Variants in ADNP2 observed in about 807,000 individuals in gnomAD.
The protein encoded by ADNP2 is ADNP homeobox 2.
ADNP2 carries 8 observed loss-of-function variants against 16.4 expected under a neutral mutation model. That is an observed-to-expected ratio of 0.49 (90% CI 0.29 to 0.88). ADNP2 has a LOEUF of 0.88. ADNP2 is among the 40% of genes least tolerant of loss of function. The pLI is 0.09. For synonymous variants in ADNP2, 637 were observed against 545.8 expected (o/e 1.17, Z -2.33); for missense variants, 1,397 against 1,395.1 (o/e 1.00, Z -0.02).
chr18:80,128,418 G>T (rs1047340306), intron 2 of ADNP2, among the ~76,000 whole-genome samples: 2 of 152,336 alleles, frequency 1.3e-5, no homozygotes, highest in Non-Finnish European at 2.9e-5. Context: ...TTGGGAGGCC[G>T]AGGTGGATGG....
At chr18:80,131,373 G>A (rs545465047) in intron 2 of ADNP2, among the ~76,000 whole-genome samples, 2 of 152,202 alleles carry the variant, frequency 1.3e-5, no homozygotes, top group South Asian at 4.2e-4. Flanking sequence ...TCTAGCAAGT[G>A]TAACTTTTTG....
chr18:80,126,717 T>C (rs1428741750), intron 2 of ADNP2, among the ~76,000 whole-genome samples: 1 of 152,210 alleles, frequency 6.6e-6, no homozygotes, highest in Non-Finnish European at 1.5e-5. Flanking sequence ...GGTGAGCTTC[T>C]TGATTTTGTG....
intron 2 of ADNP2, among the ~76,000 whole-genome samples, chr18:80,123,661 G>C (rs1033796736): frequency 1.1e-4 from 16 of 152,118 alleles, no homozygotes; most frequent in Middle Eastern, 3.4e-3. Flanking sequence ...GAGCCACTGT[G>C]CCTGGCCCCT....
Position 80,137,131 on chromosome 18 carries a change from C to T in ADNP2, c.1718C>T (p.Thr573Ile), listed in dbSNP as rs777393913. Residue 573 changes from threonine (T) to isoleucine (I), a missense_variant, in exon 4 of 4, where the codon ACC becomes ATC. This residue lies in a region of ADNP2 where 777 missense variants were observed against 719.4 expected (regional missense o/e 1.08). Coordinates refer to ENST00000262198, the MANE Select transcript of ADNP2 (RefSeq NM_014913.4). This position sits in a 1 kb window ranked among gnomAD's most constrained non-coding sequence, Gnocchi z 4.2. ...TTGCAACTCAACCAGACTGTGGGCA[C>T]CAACATTCTGCCTGTGAATCAGCCA... is the stretch of plus-strand genomic sequence containing the variant. ...GVLQLNQTVG[T>I]NILPVNQPVR... 3 of 1,614,214 alleles carry T rather than the reference C, an allele frequency of 1.9e-6. No individual in the cohort carries two copies. Among genetic ancestry groups the T allele is most frequent in the Non-Finnish European group, 2.5e-6 (3 of 1,180,042 alleles).
chr18:80,137,593 T>C lies in ADNP2; in HGVS notation c.2180T>C (p.Leu727Pro). 6.2e-7 allele frequency: 1 copy of C among 1,614,208 alleles called. No individual in the cohort carries two copies. Among genetic ancestry groups the C allele is most frequent in the Non-Finnish European group, 8.5e-7 (1 of 1,180,038 alleles). The change falls in exon 4 of 4, where the codon CTT (leucine) becomes CCT (proline). Residue 727 changes from leucine (L) to proline (P), a missense_variant. Leu to Pro is a moderately conservative substitution (Grantham distance 98, BLOSUM62 -3). Around this residue, in one of 3 missense-constraint regions of ADNP2, gnomAD observed 611 missense variants for 648.7 expected, o/e 0.94. Transcript: ENST00000262198. The surrounding 1 kb of genome is among the most constrained non-coding windows in gnomAD (Gnocchi z 4.2). ...KHSESKSGEK[L>P]EPEKLAACAP... is the part of the protein sequence containing the mutation. ...AGCGAGTCCAAGTCTGGTGAGAAAC[T>C]TGAGCCTGAAAAACTGGCAGCGTGT...
chr18:80,132,976 C>T (rs2145210392), intron 2 of ADNP2, 127 bp from the exon 3 acceptor site: 2 of 708,030 alleles, frequency 2.8e-6, no homozygotes, highest in Non-Finnish European at 4.7e-6. Flanking sequence ...CCTCCTCAAC[C>T]TCCCAAAGTG....
intron 1 of ADNP2, among the ~76,000 whole-genome samples, chr18:80,114,015 C>T (rs2145190038): frequency 6.6e-6 from 1 of 151,806 alleles, no homozygotes; most frequent in South Asian, 2.1e-4. Flanking sequence ...CATAGGGAGA[C>T]CCTGTCTCTA....
Position 80,139,836 on chromosome 18 carries a change from G to T in ADNP2, c.*1027G>T, listed in dbSNP as rs9961192. On this transcript the variant is annotated 3_prime_UTR_variant, in exon 4 of 4. Coordinates refer to ENST00000262198, the MANE Select transcript of ADNP2 (RefSeq NM_014913.4). ...TCCATGGTTGGTACAGTAAGTCTTT[G>T]ACCACATTTTCTGAAGGTCATGTTT... 2 of 152,152 alleles carry T rather than the reference G, an allele frequency of 1.3e-5. 1 individual carries two copies. The highest frequency in any genetic ancestry group is 4.1e-4 in the South Asian group (2 of 4,828). 9.4% of individuals were successfully genotyped at this position (152,152 alleles called of 1,614,324 possible). A position where few individuals can be genotyped will look rare whatever the true frequency, so the allele number is the denominator to read the frequency against.
At chr18:80,119,606 C>A (rs535031183) in intron 2 of ADNP2, among the ~76,000 whole-genome samples, 3 of 152,290 alleles carry the variant, frequency 2.0e-5, no homozygotes, top group Middle Eastern at 3.4e-3. Context: ...AGAGTTAACA[C>A]CTCCAATAGG....
chr18:80,112,181 T>C (rs992755819), intron 1 of ADNP2, among the ~76,000 whole-genome samples: 2 of 152,196 alleles, frequency 1.3e-5, no homozygotes, highest in East Asian at 3.8e-4. Flanking sequence ...TATGAAAACA[T>C]TGAACTATTT....
chr18:80,128,914 A>C (rs968593961), intron 2 of ADNP2, among the ~76,000 whole-genome samples: 1 of 152,128 alleles, frequency 6.6e-6, no homozygotes, highest in Non-Finnish European at 1.5e-5. Flanking sequence ...AGAAGTTGCC[A>C]CCATTAACAT....
intron 2 of ADNP2, among the ~76,000 whole-genome samples, chr18:80,130,651 C>T (rs9304061): frequency 0.18 from 27,554 of 152,048 alleles, 2,767 homozygotes; most frequent in Middle Eastern, 0.25. Context: ...AACCCTCTGC[C>T]GCCCTGCACT....
In ADNP2 at chr18:80,119,659, A is replaced by G. The variant is rs1162649256; in HGVS notation, c.108+2009A>G. Among the ~76,000 whole-genome samples, 4 of 152,350 alleles carry G rather than the reference A, an allele frequency of 2.6e-5. No individual in the cohort carries two copies. The East Asian group carries it at 7.7e-4, about 29-fold the overall frequency. On this transcript the variant is annotated intron_variant, in intron 2 of 3. Coordinates refer to ENST00000262198, the MANE Select transcript of ADNP2 (RefSeq NM_014913.4). ...AGCCTGGCTGAGAAAAGTAAGCCCT[A>G]GGAAAGGTAGACTCTTCCACGAATC...
Position 80,135,782 on chromosome 18 carries a change from C to T in ADNP2, c.369C>T (p.His123=). ...CTCAGCCCAAAGTTGTGGGAAGGCA[C>T]TTCAGAATGTTCCATGCACCTGTCC... ...FASQPKVVGR[H]FRMFHAPVRK... The change falls in exon 4 of 4, where the codon CAC becomes CAT. Residue 123 remains histidine (H), a synonymous_variant. Transcript: ENST00000262198. 1 of 1,614,208 alleles carries T rather than the reference C, an allele frequency of 6.2e-7. No homozygotes were observed. The highest frequency in any genetic ancestry group is 8.5e-7 in the Non-Finnish European group (1 of 1,180,046).
chr18:80,135,677 C>G lies in ADNP2; in HGVS notation c.264C>G (p.Phe88Leu). Reference protein sequence around the residue: ...CKYSTKVLTSFKNHLHRYHED... With the variant: ...CKYSTKVLTSLKNHLHRYHED... ...ACTCTACAAAGGTGCTTACTTCATTCAAGAATCATTTACATCGTTACCATG... is the reference window on the plus strand; with the variant it reads ...ACTCTACAAAGGTGCTTACTTCATTGAAGAATCATTTACATCGTTACCATG... Residue 88 changes from phenylalanine (F) to leucine (L), a missense_variant, in exon 4 of 4, where the codon TTC becomes TTG. Transcript: ENST00000262198. The G allele has an allele frequency of 6.2e-7, 1 of 1,614,168 alleles. No individual in the cohort carries two copies. The highest frequency in any genetic ancestry group is 8.5e-7 in the Non-Finnish European group (1 of 1,180,018).
rs1240191304 is a variant in ADNP2 at position 80,140,269 on chromosome 18, C to CT, written c.*1462dup. The CT allele has an allele frequency of 6.6e-6, 1 of 152,160 alleles. No individual in the cohort carries two copies. The highest frequency in any genetic ancestry group is 2.4e-5 in the African/African-American group (1 of 41,292). 9.4% of individuals were successfully genotyped at this position (152,160 alleles called of 1,614,324 possible). A position where few individuals can be genotyped will look rare whatever the true frequency, so the allele number is the denominator to read the frequency against. ...TACTCTGTTGTAAATTCAAAGAGAGCTTGTTGAACATTTTTTTTTTTTACC... is the reference window on the plus strand; with the variant it reads ...TACTCTGTTGTAAATTCAAAGAGAGCTTTGTTGAACATTTTTTTTTTTTACC... On this transcript the variant is annotated 3_prime_UTR_variant, in exon 4 of 4. Coordinates refer to ENST00000262198, the MANE Select transcript of ADNP2 (RefSeq NM_014913.4).
intron 2 of ADNP2, among the ~76,000 whole-genome samples, chr18:80,128,573 A>G (rs958400883): frequency 6.6e-6 from 1 of 152,170 alleles, no homozygotes; most frequent in African/African-American, 2.4e-5. Context: ...TTGGTTGAAC[A>G]CGGGAGGTGG....
At position 80,136,424 on chromosome 18, in the gene ADNP2, T is replaced by C. The variant is rs570553666; in HGVS notation, c.1011T>C (p.Pro337=). 4 of 1,614,120 alleles carry C rather than the reference T, an allele frequency of 2.5e-6. No homozygotes were observed. In the South Asian group the frequency reaches 4.4e-5, roughly 18 times the overall value. ...GQSHMTLVSS[P]LPVGQNSLTL... ...CCCACATGACTCTGGTCTCCAGCCC[T>C]CTGCCTGTGGGCCAGAACAGCCTCA... The change falls in exon 4 of 4, where the codon CCT becomes CCC. Residue 337 remains proline, a synonymous_variant. Transcript: ENST00000262198.
chr18:80,129,278 A>G (rs2052481162), intron 2 of ADNP2, among the ~76,000 whole-genome samples: 1 of 151,374 alleles, frequency 6.6e-6, no homozygotes, highest in Admixed American at 6.6e-5. Flanking sequence ...TAGTTTTTGT[A>G]TTTTTAGTAG....
Sources: gnomAD v4.1 joint callset for allele counts (sites outside exome capture counted in the v4.1 genomes callset) on GRCh38, gnomAD v4.1.1 for gene constraint, gnomAD v4.1.1 regional missense constraint, Gnocchi (gnomAD v3.1) non-coding constraint, MANE v1.5 for transcripts, NCBI Gene and HGNC (gene_info 2026-07-23, HGNC 2026-07-21) for gene names.